The following DNAAF5 variants were observed in gnomAD, a reference collection of about 807,000 sequenced individuals.
DNAAF5 encodes the protein dynein axonemal assembly factor 5, also known as HEAT repeat containing 2.
DNAAF5 carries 64 observed loss-of-function variants against 75.8 expected under a neutral mutation model. The ratio of observed to expected loss-of-function variants is 0.84; its 90% CI spans 0.69 to 1.04. The LOEUF (loss-of-function observed/expected upper bound fraction) is 1.04, where lower values mean the gene tolerates loss of function less well. DNAAF5 is among the 50% of genes least tolerant of loss of function. DNAAF5 has a pLI of 0.00. For synonymous variants in DNAAF5, 657 were observed against 557.2 expected (o/e 1.18, Z -2.52); for missense variants, 1,269 against 1,178.5 (o/e 1.08, Z -1.12).
rs199822353 is a variant in DNAAF5, at chr7:785,809, A to G, written c.*156A>G. ...ACCTGCCCACTCTTTCCCTGGAATA[A>G]CAGCCTCTGAGTGGATTCTGCATGT... On this transcript the variant is annotated 3_prime_UTR_variant, in exon 13 of 13. Transcript: ENST00000297440. The G allele has an allele frequency of 1.0e-5, 8 of 768,242 alleles. No homozygotes were observed. Among genetic ancestry groups the G allele is most frequent in the South Asian group, 3.8e-5 (2 of 52,970 alleles). The allele number at this position is 768,242 out of a possible 1,614,324, so 47.6% of individuals were successfully genotyped here. A position where few individuals can be genotyped will look rare whatever the true frequency, so the allele number is the denominator to read the frequency against.
chr7:731,030 C>T (rs1034427974), intron 2 of DNAAF5, among the ~76,000 whole-genome samples: 3 of 152,288 alleles, frequency 2.0e-5, no homozygotes, highest in African/African-American at 4.8e-5. Context: ...ATTTGGGCTG[C>T]GGAGGGCAGT....
At chr7:767,666 C>T (rs146396786) in intron 8 of DNAAF5, among the ~76,000 whole-genome samples, 16 of 152,268 alleles carry the variant, frequency 1.1e-4, no homozygotes, top group African/African-American at 3.8e-4. Context: ...AGTGTCCGTG[C>T]TGCAAGCAGG....
At chr7:753,185 G>C (rs768820519) in intron 4 of DNAAF5, among the ~76,000 whole-genome samples, 1 of 152,166 alleles carries the variant, frequency 6.6e-6, no homozygotes, top group Non-Finnish European at 1.5e-5. Flanking sequence ...TATTTGTCCC[G>C]GCACAGTGAA....
chr7:775,076 G>T lies in DNAAF5; in HGVS notation c.2153G>T (p.Arg718Leu), dbSNP rs752259246. The T allele has an allele frequency of 6.2e-7, 1 of 1,614,022 alleles. No individual in the cohort carries two copies. Among genetic ancestry groups the T allele is most frequent in the Non-Finnish European group, 8.5e-7 (1 of 1,179,998 alleles). ...CTGGAGGAGGATTCGAAGATGACGC[G>T]ACTGATCTCATGCCGTATTATCAAC... Reference protein sequence around the residue: ...TTLEEDSKMTRLISCRIINTF... With the variant: ...TTLEEDSKMTLLISCRIINTF... The change falls in exon 11 of 13, where the codon CGA becomes CTA. Residue 718 changes from arginine (R) to leucine (L), a missense_variant. Coordinates refer to ENST00000297440, the MANE Select transcript of DNAAF5 (RefSeq NM_017802.4).
intron 11 of DNAAF5, among the ~76,000 whole-genome samples, chr7:777,689 C>T (rs1368076350): frequency 6.6e-6 from 1 of 152,178 alleles, no homozygotes; most frequent in Non-Finnish European, 1.5e-5. Context: ...ATGGTTCTTG[C>T]TAATTCCCGG....
intron 5 of DNAAF5, among the ~76,000 whole-genome samples, chr7:756,418 T>C (rs1275673687): frequency 1.3e-5 from 2 of 152,138 alleles, no homozygotes; most frequent in Non-Finnish European, 2.9e-5. Flanking sequence ...TGTGATCCAC[T>C]GTGGGCTTCC....
At chr7:774,341 C>T in intron 10 of DNAAF5, 143 bp downstream of exon 10, 2 of 908,890 alleles carry the variant, frequency 2.2e-6, no homozygotes, top group Admixed American at 3.0e-5. Context: ...AGGCTCTCCC[C>T]ACACTGGCGG....
intron 2 of DNAAF5, 112 bp from the exon 3 acceptor site, chr7:740,707 G>A (rs924878988): frequency 5.5e-6 from 8 of 1,458,368 alleles, no homozygotes; most frequent in African/African-American, 4.2e-5. Flanking sequence ...GGACCTGGCC[G>A]TGCCTCTGCC....
At chr7:783,096 C>A (rs533784999) in intron 12 of DNAAF5, among the ~76,000 whole-genome samples, 1 of 152,382 alleles carries the variant, frequency 6.6e-6, no homozygotes, top group African/African-American at 2.4e-5. Context: ...TCCTCGGCCA[C>A]AAACCCTGTC....
intron 11 of DNAAF5, chr7:778,635 T>C (rs1247317965): frequency 6.6e-6 from 1 of 152,302 alleles, no homozygotes; most frequent in East Asian, 1.9e-4. Context: ...GCAGGAGGCC[T>C]CGGAGGATCC....
chr7:773,001 C>T (rs1156302452), intron 9 of DNAAF5: 1 of 151,854 alleles, frequency 6.6e-6, no homozygotes, highest in African/African-American at 2.4e-5. Context: ...CTAAGCACTC[C>T]TAGGTGGCGC....
Position 740,801 on chromosome 7 carries a change from C to T in DNAAF5, c.781-18C>T, listed in dbSNP as rs775632799. The stretch of plus-strand genomic sequence containing the variant: ...CCCTTTGCCTACACGAATCCTTATC[C>T]CTTCCTCTCATGCGCAGGTCCGGCG... On this transcript the variant is annotated intron_variant, in intron 2 of 12. Transcript: ENST00000297440. 6.2e-7 allele frequency: 1 copy of T among 1,612,954 alleles called. No individual in the cohort carries two copies.
chr7:768,032 C>G (rs534187031), intron 8 of DNAAF5, among the ~76,000 whole-genome samples: 1 of 151,860 alleles, frequency 6.6e-6, no homozygotes, highest in East Asian at 2.0e-4. Context: ...CGAGCAGGAG[C>G]TGGCGCTGGG....
chr7:774,245 C>T, intron 10 of DNAAF5, 47 bp downstream of exon 10: 1 of 1,539,738 alleles, frequency 6.5e-7, no homozygotes, highest in Non-Finnish European at 8.7e-7. Context: ...GGGGACTGCG[C>T]AGGCTTCCTG....
chr7:774,307 T>C (rs1778680496), intron 10 of DNAAF5, 109 bp downstream of exon 10: 3 of 1,171,854 alleles, frequency 2.6e-6, no homozygotes, highest in Non-Finnish European at 3.5e-6. Context: ...CAGCTGCACC[T>C]CCACCTGGGG....
chr7:761,928 C>T (rs1483351533), intron 7 of DNAAF5, 32 bp downstream of exon 7: 1 of 1,549,428 alleles, frequency 6.5e-7, no homozygotes, highest in Non-Finnish European at 8.7e-7. Flanking sequence ...GCTGCTTGAC[C>T]TAGCGGAGCT....
intron 11 of DNAAF5, among the ~76,000 whole-genome samples, chr7:776,747 G>A (rs1778773042): frequency 1.3e-5 from 2 of 152,198 alleles, no homozygotes; most frequent in Admixed American, 6.5e-5. Context: ...CTCACTCAGG[G>A]CAGCCTGCAC....
At chr7:775,687 G>A (rs1435294239) in intron 11 of DNAAF5, among the ~76,000 whole-genome samples, 1 of 152,204 alleles carries the variant, frequency 6.6e-6, no homozygotes, top group Non-Finnish European at 1.5e-5. Context: ...CAAGTACAAC[G>A]TTGAACCCGC....
chr7:765,053 C>G lies in DNAAF5; in HGVS notation c.1783+1079C>G, dbSNP rs192318419. 3.9e-3 allele frequency among the ~76,000 whole-genome samples: 599 copies of G among 152,292 alleles called. 7 individuals carry two copies. The highest frequency in any genetic ancestry group is 0.014 in the African/African-American group (569 of 41,560). ...GGAGGATCCCTGGAGCCCAGGAGTT[C>G]GAAGCTTCAGTGAGCTGTGACTGCA... On this transcript the variant is annotated intron_variant, in intron 8 of 12. Coordinates refer to ENST00000297440, the MANE Select transcript of DNAAF5 (RefSeq NM_017802.4).
Sources: allele counts gnomAD v4.1 joint callset (sites outside exome capture counted in the v4.1 genomes callset), GRCh38; gene constraint gnomAD v4.1.1; transcripts MANE v1.5; gene names NCBI Gene and HGNC (gene_info 2026-07-23, HGNC 2026-07-21).